The following SLC2A9 variants were observed in gnomAD, a reference collection of about 807,000 sequenced individuals.
SLC2A9 encodes solute carrier family 2 member 9, also known as solute carrier family 2, facilitated glucose transporter member 9.
A neutral mutation model predicts 50.6 loss-of-function variants in SLC2A9; 39 were observed. The observed-to-expected ratio is 0.77, with a 90% CI of 0.60 to 1.01. The LOEUF is 1.01. Among genes scored for constraint, SLC2A9 ranks in the 50% least tolerant of loss-of-function variants. The pLI, the probability that SLC2A9 is intolerant of heterozygous loss-of-function variation, is 0.00. For synonymous variants in SLC2A9, 324 were observed against 276.9 expected, an observed-to-expected ratio of 1.17 and a Z score of -1.69; for missense variants, 686 against 677.6, an observed-to-expected ratio of 1.01 and a Z score of -0.14.
intron 3 of SLC2A9, among the ~76,000 whole-genome samples, chr4:9,988,623 T>C (rs1757149440): frequency 6.6e-6 from 1 of 152,160 alleles, no homozygotes; most frequent in Admixed American, 6.5e-5. Flanking sequence ...ACAAGGGAGA[T>C]CAATTCTGAA....
intron 3 of SLC2A9, chr4:9,995,722 C>T (rs942156138): frequency 6.6e-6 from 1 of 152,220 alleles, no homozygotes; most frequent in Non-Finnish European, 1.5e-5. Flanking sequence ...TGGCCATTCT[C>T]CTTCCATTCA....
At chr4:9,813,767 G>C (rs1252030820) in intron 3 of SLC2A9, among the ~76,000 whole-genome samples, 1 of 152,086 alleles carries the variant, frequency 6.6e-6, no homozygotes, top group African/African-American at 2.4e-5. Context: ...GTCAGAGAAA[G>C]AATTCTAGAG....
intron 10 of SLC2A9, among the ~76,000 whole-genome samples, chr4:9,864,743 C>T (rs1418615828): frequency 6.6e-6 from 1 of 152,220 alleles, no homozygotes; most frequent in Non-Finnish European, 1.5e-5. Context: ...CATTTTCTTC[C>T]TGTCCTTGTA....
intron 3 of SLC2A9, among the ~76,000 whole-genome samples, chr4:9,987,491 A>AT (rs967974339): frequency 7.9e-5 from 12 of 151,988 alleles, no homozygotes; most frequent in Admixed American, 4.6e-4. Flanking sequence ...TTTACGGCTT[A>AT]TTTTTTTTCC....
In SLC2A9 at chr4:10,033,059, C is replaced by T. The variant is rs138940331; in HGVS notation, c.-40-7053G>A. ...CCCACCTATGTGCAGACTCCTCCCTCATCCCTTTCACGTGCTGAGGAGTCT... is the reference window on the plus strand; with the variant it reads ...CCCACCTATGTGCAGACTCCTCCCTTATCCCTTTCACGTGCTGAGGAGTCT... On this transcript the variant is annotated intron_variant, in intron 1 of 12. Transcript: ENST00000309065. Among the ~76,000 whole-genome samples the T allele has an allele frequency of 4.6e-3, 705 of 152,326 alleles. 1 individual carries two copies. The highest frequency in any genetic ancestry group is 0.024 in the Middle Eastern group (7 of 294).
chr4:10,014,167 G>A (rs962889583), intron 2 of SLC2A9, among the ~76,000 whole-genome samples: 8 of 152,052 alleles, frequency 5.3e-5, no homozygotes, highest in African/African-American at 1.9e-4. Context: ...GGTCTCCCTG[G>A]TTCTGGGGCT....
chr4:9,991,048 C>T (rs68013308), intron 3 of SLC2A9, among the ~76,000 whole-genome samples: 2 of 152,244 alleles, frequency 1.3e-5, no homozygotes, highest in African/African-American at 2.4e-5. Context: ...CTGCCTGCAG[C>T]GAGTGACAGA....
intron 5 of SLC2A9, among the ~76,000 whole-genome samples, chr4:9,950,380 C>T (rs1420584487): frequency 6.6e-6 from 1 of 152,068 alleles, no homozygotes; most frequent in Non-Finnish European, 1.5e-5. Context: ...CCACATAGAG[C>T]CCCCCCATGG....
chr4:9,930,783 T>C (rs1451957867), intron 6 of SLC2A9, among the ~76,000 whole-genome samples: 1 of 152,218 alleles, frequency 6.6e-6, no homozygotes, highest in East Asian at 1.9e-4. Context: ...AACTGCCTGA[T>C]GGATGTGTCC....
At chr4:9,999,993 A>T (rs766661822) in intron 2 of SLC2A9, among the ~76,000 whole-genome samples, 1 of 152,174 alleles carries the variant, frequency 6.6e-6, no homozygotes, top group Non-Finnish European at 1.5e-5. Flanking sequence ...AAAGTGAAAG[A>T]AGATCACAGA....
chr4:9,792,392 C>T (rs1720058181), intron 3 of SLC2A9, among the ~76,000 whole-genome samples: 1 of 150,408 alleles, frequency 6.6e-6, no homozygotes. Flanking sequence ...TGCACTACGT[C>T]ACCCAGGTTG....
At chr4:10,027,022 C>T (rs1411461887) in intron 1 of SLC2A9, among the ~76,000 whole-genome samples, 1 of 151,116 alleles carries the variant, frequency 6.6e-6, no homozygotes, top group Non-Finnish European at 1.5e-5. Context: ...CCAGCCTGGT[C>T]AACAGAGTGA....
intron 10 of SLC2A9, among the ~76,000 whole-genome samples, chr4:9,884,432 C>G (rs1202398761): frequency 8.0e-6 from 1 of 124,366 alleles, no homozygotes; most frequent in Non-Finnish European, 1.7e-5. Context: ...CACTACTACA[C>G]CTGGCTAGAA....
intron 10 of SLC2A9, among the ~76,000 whole-genome samples, chr4:9,877,816 T>C (rs1200685628): frequency 6.6e-6 from 1 of 152,226 alleles, no homozygotes; most frequent in Admixed American, 6.5e-5. Context: ...TGTCCCAGGC[T>C]CTTCTGGGTC....
chr4:9,813,359 C>T (rs1481928992), intron 3 of SLC2A9, among the ~76,000 whole-genome samples: 3 of 152,162 alleles, frequency 2.0e-5, no homozygotes, highest in Non-Finnish European at 4.4e-5. Context: ...TTGTTCACTC[C>T]CATGTCTTCA....
chr4:9,803,726 C>G (rs945432908), intron 3 of SLC2A9, among the ~76,000 whole-genome samples: 2 of 152,224 alleles, frequency 1.3e-5, no homozygotes, highest in African/African-American at 4.8e-5. Context: ...AATGTCAGCA[C>G]TAAGAGGAAC....
intron 10 of SLC2A9, among the ~76,000 whole-genome samples, chr4:9,851,331 A>G (rs1231800124): frequency 6.6e-6 from 1 of 152,100 alleles, no homozygotes; most frequent in Non-Finnish European, 1.5e-5. Context: ...GCTCCCTAAA[A>G]TCTTCCTGAA....
At chr4:9,999,309 G>A (rs981784773) in intron 2 of SLC2A9, among the ~76,000 whole-genome samples, 1 of 152,038 alleles carries the variant, frequency 6.6e-6, no homozygotes, top group Non-Finnish European at 1.5e-5. Context: ...CGATCCTCCC[G>A]CTGCAGCCTC....
At position 9,781,248 on chromosome 4, in the gene SLC2A9, C is replaced by A. The variant is rs1191436924; in HGVS notation, n.386-1183G>T. Among the ~76,000 whole-genome samples, 4 of 152,310 alleles carry A rather than the reference C, an allele frequency of 2.6e-5. No homozygotes were observed. In the South Asian group the frequency reaches 8.3e-4, roughly 32 times the overall value. ...AAGTTATGTAGGGCCCTTAAAGTCG[C>A]AGAGCCAGGAATAAAGTCCGGATTG... On this transcript the variant is annotated intron_variant and non_coding_transcript_variant, in intron 3 of 3. Coordinates refer to the SLC2A9 transcript ENST00000503803.
Sources: gnomAD v4.1 joint callset for allele counts (sites outside exome capture counted in the v4.1 genomes callset) on GRCh38, gnomAD v4.1.1 for gene constraint, MANE v1.5 for transcripts, NCBI Gene and HGNC (gene_info 2026-07-23, HGNC 2026-07-21) for gene names.